DAB1: variants seen among roughly 807,000 people sequenced by gnomAD.
The protein encoded by DAB1 is disabled homolog 1.
Under a neutral mutation model 64.6 loss-of-function variants are expected in DAB1, and 15 were observed. The observed-to-expected ratio is 0.23, with a 90% confidence interval of 0.16 to 0.36. DAB1 has a LOEUF of 0.36. DAB1 is among the 10% of genes least tolerant of loss of function. DAB1 has a pLI of 1.00. For synonymous variants in DAB1, 235 were observed against 251.9 expected, an observed-to-expected ratio of 0.93 and a Z score of 0.64; for missense variants, 596 against 706.7, an observed-to-expected ratio of 0.84 and a Z score of 1.78.
intron 2 of DAB1, among the ~76,000 whole-genome samples, chr1:57,197,181 C>G (rs1278070464): frequency 6.6e-6 from 1 of 151,902 alleles, no homozygotes; most frequent in African/African-American, 2.4e-5. Flanking sequence ...ACTAAAAAAA[C>G]AAAAACACAA....
chr1:58,233,023 T>C (rs543664800), intron 4 of DAB1, among the ~76,000 whole-genome samples: 13 of 152,210 alleles, frequency 8.5e-5, no homozygotes, highest in Non-Finnish European at 1.6e-4. Context: ...GAACTCTATG[T>C]AGCACATAGT....
At chr1:57,969,457 C>T (rs1645745676) in intron 5 of DAB1, among the ~76,000 whole-genome samples, 1 of 152,142 alleles carries the variant, frequency 6.6e-6, no homozygotes, top group East Asian at 1.9e-4. Flanking sequence ...ATTCTCGTGC[C>T]TCAGCCTCCC....
upstream of DAB1, among the ~76,000 whole-genome samples, chr1:57,428,702 T>A (rs1025937031): frequency 6.6e-6 from 1 of 152,142 alleles, no homozygotes. Context: ...CTGGAACATA[T>A]GGTAGTTCTA....
At chr1:57,515,718 T>G (rs1644456614) in intron 7 of DAB1, among the ~76,000 whole-genome samples, 1 of 152,216 alleles carries the variant, frequency 6.6e-6, no homozygotes, top group South Asian at 2.1e-4. Flanking sequence ...GTTCTTTCCT[T>G]CAACAAATAT....
At chr1:57,053,848 T>C (rs1649471108) in intron 9 of DAB1, among the ~76,000 whole-genome samples, 1 of 151,506 alleles carries the variant, frequency 6.6e-6, no homozygotes, top group African/African-American at 2.4e-5. Context: ...CCACCACACC[T>C]GGCTAATTTT....
chr1:57,591,138 C>T (rs906954188), intron 7 of DAB1, among the ~76,000 whole-genome samples: 3 of 152,106 alleles, frequency 2.0e-5, no homozygotes, highest in Admixed American at 6.6e-5. Context: ...AGGGAAGGGC[C>T]GCACTGCCTA....
rs570873931 is a variant in DAB1, at chr1:57,543,794, C to T, written n.625+105798G>A. Among the ~76,000 whole-genome samples, 5 of 152,074 alleles carry T rather than the reference C, an allele frequency of 3.3e-5. No homozygotes were observed. The East Asian group carries it at 7.7e-4, about 24-fold the overall frequency. On this transcript the variant is annotated intron_variant and non_coding_transcript_variant, in intron 7 of 20. Coordinates refer to the DAB1 transcript ENST00000485760. ...TAAGCATATTTAGGAATTGTTAATG[C>T]TTTTTATTGCATTAAAAAGAACATA...
intron 4 of DAB1, among the ~76,000 whole-genome samples, chr1:58,265,347 T>G (rs1321180980): frequency 6.6e-6 from 1 of 152,216 alleles, no homozygotes; most frequent in Non-Finnish European, 1.5e-5. Flanking sequence ...CAAGGCAAAC[T>G]TAAGAGGAGT....
upstream of DAB1, among the ~76,000 whole-genome samples, chr1:57,426,874 A>ATATATATATATTTTT (rs57970737): frequency 6.7e-6 from 1 of 149,184 alleles, no homozygotes; most frequent in African/African-American, 2.5e-5. Flanking sequence ...ATATATATAT[A>ATATATATATATTTTT]TTTTTTTGAG....
intron 5 of DAB1, among the ~76,000 whole-genome samples, chr1:58,103,181 A>G (rs1651425635): frequency 6.6e-6 from 1 of 152,190 alleles, no homozygotes; most frequent in African/African-American, 2.4e-5. Flanking sequence ...ACAAAATGAA[A>G]TGTTTACAAA....
chr1:58,268,110 G>A (rs1661217637), intron 4 of DAB1, among the ~76,000 whole-genome samples: 1 of 152,080 alleles, frequency 6.6e-6, no homozygotes, highest in African/African-American at 2.4e-5. Context: ...ATTTACTAAA[G>A]TTACTTACTC....
chr1:57,731,816 A>AT, intron 6 of DAB1, among the ~76,000 whole-genome samples: 1 of 139,842 alleles, frequency 7.2e-6, no homozygotes, highest in Non-Finnish European at 1.6e-5. Context: ...AAAAAAAAAT[A>AT]ATAATAATAA....
At chr1:57,892,663 C>T (rs186579873) in intron 5 of DAB1, among the ~76,000 whole-genome samples, 3 of 152,250 alleles carry the variant, frequency 2.0e-5, no homozygotes, top group Admixed American at 2.0e-4. Flanking sequence ...TGTGCTTCTT[C>T]AGCTATTTTT....
intron 7 of DAB1, among the ~76,000 whole-genome samples, chr1:57,479,305 C>T (rs1414528537): frequency 1.3e-5 from 2 of 151,868 alleles, no homozygotes; most frequent in Non-Finnish European, 2.9e-5. Flanking sequence ...ACAGAAAATG[C>T]TTCACAGAGA....
intron 6 of DAB1, among the ~76,000 whole-genome samples, chr1:57,817,903 A>G (rs1447717754): frequency 6.6e-6 from 1 of 152,162 alleles, no homozygotes; most frequent in Non-Finnish European, 1.5e-5. Flanking sequence ...AGGCAGCAAT[A>G]TTTACTCATC....
intron 3 of DAB1, among the ~76,000 whole-genome samples, chr1:58,500,863 C>A (rs912506398): frequency 7.9e-5 from 12 of 152,158 alleles, no homozygotes; most frequent in Admixed American, 5.9e-4. Context: ...AAGCAGATTT[C>A]TCTTATTCAC....
chr1:57,976,541 T>C (rs150536075), intron 5 of DAB1, among the ~76,000 whole-genome samples: 39 of 152,296 alleles, frequency 2.6e-4, no homozygotes, highest in African/African-American at 9.1e-4. Flanking sequence ...GTGCTTGGGA[T>C]GATATCCAAA....
In DAB1 at chr1:57,931,109, C is replaced by T. The variant is rs564909665; in HGVS notation, n.388-46947G>A. Among the ~76,000 whole-genome samples the T allele has an allele frequency of 3.9e-5, 6 of 152,192 alleles. No homozygotes were observed. In the South Asian group the frequency reaches 1.2e-3, roughly 32 times the overall value. ...CTTTTTCTGTATTGATTAATATGACCATGTAATTTTTCTTCTTTAGCTAGC... is the reference window on the plus strand; with the variant it reads ...CTTTTTCTGTATTGATTAATATGACTATGTAATTTTTCTTCTTTAGCTAGC... On this transcript the variant is annotated intron_variant and non_coding_transcript_variant, in intron 5 of 20. Coordinates refer to the DAB1 transcript ENST00000485760.
Position 58,097,474 on chromosome 1 carries a change from A to G in DAB1, n.387+53037T>C, listed in dbSNP as rs1021294062. Among the ~76,000 whole-genome samples, 3 of 152,166 alleles carry G rather than the reference A, an allele frequency of 2.0e-5. No homozygotes were observed. In the East Asian group the frequency reaches 5.8e-4, roughly 29 times the overall value. On this transcript the variant is annotated intron_variant and non_coding_transcript_variant, in intron 5 of 20. Transcript: ENST00000485760. The stretch of plus-strand genomic sequence containing the variant: ...AGCTCCAGGAAGGTTGAAAACAGGT[A>G]CTGGGTGACCTGATCCTCATTGGGA...
Sources: gnomAD v4.1 joint callset for allele counts (sites outside exome capture counted in the v4.1 genomes callset) on GRCh38, gnomAD v4.1.1 for gene constraint, MANE v1.5 for transcripts, NCBI Gene and HGNC (gene_info 2026-07-23, HGNC 2026-07-21) for gene names.